WWTR1: variants seen among roughly 807,000 people sequenced by gnomAD.
WWTR1 encodes the protein WW domain containing transcription regulator 1, also known as WW domain-containing transcription regulator protein 1.
WWTR1 carries 13 observed loss-of-function variants against 40.1 expected under a neutral mutation model. The ratio of observed to expected loss-of-function variants is 0.32; its 90% CI spans 0.21 to 0.52. The LOEUF is 0.52. WWTR1 is among the 20% of genes least tolerant of loss of function. The pLI, the probability that WWTR1 is intolerant of heterozygous loss-of-function variation, is 0.97. For missense variants in WWTR1, 436 were observed against 523.1 expected (o/e 0.83, Z 1.63); for synonymous variants, 230 against 210.1 (o/e 1.09, Z -0.82).
intron 2 of WWTR1, among the ~76,000 whole-genome samples, chr3:149,606,305 G>A (rs1292541397): frequency 1.3e-5 from 2 of 152,136 alleles, no homozygotes; most frequent in Non-Finnish European, 2.9e-5. Context: ...CGCTTTAAGC[G>A]TTTCAGGTCA....
At chr3:149,667,508 A>G (rs1008754747) in intron 2 of WWTR1, among the ~76,000 whole-genome samples, 2 of 151,362 alleles carry the variant, frequency 1.3e-5, no homozygotes, top group Middle Eastern at 3.2e-3. Context: ...AGATCGTGCC[A>G]CTGCATTCCA....
chr3:149,648,058 G>C (rs1302394258), intron 2 of WWTR1, among the ~76,000 whole-genome samples: 1 of 152,124 alleles, frequency 6.6e-6, no homozygotes, highest in Non-Finnish European at 1.5e-5. Context: ...TGGAAGGCTT[G>C]TCTGCACACC....
chr3:149,645,042 G>T (rs543763434), intron 2 of WWTR1, among the ~76,000 whole-genome samples: 222 of 151,676 alleles, frequency 1.5e-3, no homozygotes, highest in Non-Finnish European at 2.5e-3. Flanking sequence ...TAGTAGATAC[G>T]GGGTTTCACC....
chr3:149,565,052 G>T (rs1379668905), intron 3 of WWTR1, among the ~76,000 whole-genome samples: 1 of 152,046 alleles, frequency 6.6e-6, no homozygotes, highest in Non-Finnish European at 1.5e-5. Flanking sequence ...GCTGGGTGTG[G>T]TGGTGGGCAC....
At chr3:149,617,225 T>C (rs1040575924) in intron 2 of WWTR1, among the ~76,000 whole-genome samples, 6 of 152,160 alleles carry the variant, frequency 3.9e-5, no homozygotes, top group Non-Finnish European at 7.3e-5. Context: ...CTGGGGACCA[T>C]GATGAGCAGA....
At chr3:149,622,474 G>A (rs1312864218) in intron 2 of WWTR1, among the ~76,000 whole-genome samples, 15 of 109,026 alleles carry the variant, frequency 1.4e-4, no homozygotes, top group African/African-American at 5.1e-4. Flanking sequence ...AGGAAGGAAG[G>A]AAGGAAGGAA....
At chr3:149,625,830 T>C (rs1478843569) in intron 2 of WWTR1, among the ~76,000 whole-genome samples, 7 of 150,760 alleles carry the variant, frequency 4.6e-5, no homozygotes, top group Non-Finnish European at 8.9e-5. Context: ...ATGCAAACAA[T>C]TATATTCTCA....
chr3:149,654,677 T>G (rs1713091968), intron 2 of WWTR1, among the ~76,000 whole-genome samples: 1 of 152,222 alleles, frequency 6.6e-6, no homozygotes, highest in Admixed American at 6.5e-5. Context: ...AAGGAATTTT[T>G]TTGTTTTGCT....
intron 1 of WWTR1, among the ~76,000 whole-genome samples, chr3:149,672,522 T>A (rs1322346183): frequency 6.6e-6 from 1 of 152,180 alleles, no homozygotes; most frequent in African/African-American, 2.4e-5. Flanking sequence ...AAAAACTTAT[T>A]ATTATTACAA....
rs988862764 is a variant in WWTR1, at chr3:149,568,544, A to C, written c.568+4320T>G. Among the ~76,000 whole-genome samples, 381 of 115,592 alleles carry C rather than the reference A, an allele frequency of 3.3e-3. 1 individual carries two copies. Among genetic ancestry groups the C allele is most frequent in the East Asian group, 0.014 (29 of 2,022 alleles). The allele number at this position is 115,592 out of a possible 152,430, so 75.8% of individuals were successfully genotyped here. The stretch of plus-strand genomic sequence containing the variant: ...AGTGCAAAAAAAAAAAAAAAAAAAA[A>C]AAAAAAAAAAAAAAAACCATATTTT... On this transcript the variant is annotated intron_variant, in intron 3 of 6. Coordinates refer to ENST00000360632, the MANE Select transcript of WWTR1 (RefSeq NM_015472.6).
At chr3:149,580,444 G>A (rs1279913773) in intron 2 of WWTR1, among the ~76,000 whole-genome samples, 1 of 152,058 alleles carries the variant, frequency 6.6e-6, no homozygotes, top group Non-Finnish European at 1.5e-5. Flanking sequence ...ATTGCAGTGG[G>A]AGCCCATTGC....
At chr3:149,646,675 T>G (rs953944594) in intron 2 of WWTR1, among the ~76,000 whole-genome samples, 1 of 152,190 alleles carries the variant, frequency 6.6e-6, no homozygotes, top group Non-Finnish European at 1.5e-5. Context: ...ATAAGCAGAC[T>G]GATTGACAGA....
In WWTR1 at chr3:149,520,930, A is replaced by T; in HGVS notation, c.1078T>A (p.Phe360Ile). The part of the protein sequence containing the change: ...INPQQTRFPD[F>I]LDCLPGTNVD... ...TTTGTTCCTGGAAGACAGTCAAGGA[A>T]ATCAGGGAAACGGGTCTGTTGGGGA... The change falls in exon 7 of 7, where the codon TTC becomes ATC. Residue 360 changes from phenylalanine (F) to isoleucine (I), a missense_variant. By Grantham distance (21) the Phe-to-Ile change is conservative. Transcript: ENST00000360632. 1 of 1,613,518 alleles carries T rather than the reference A, an allele frequency of 6.2e-7. No homozygotes were observed. The highest frequency in any genetic ancestry group is 1.3e-5 in the African/African-American group (1 of 75,042).
upstream of WWTR1, among the ~76,000 whole-genome samples, chr3:149,658,930 C>G (rs1447392750): frequency 1.3e-5 from 2 of 152,142 alleles, no homozygotes; most frequent in African/African-American, 4.8e-5. Context: ...GAGCAGGTGG[C>G]TGGAAGTAGA....
chr3:149,660,846 A>G (rs576257682), upstream of WWTR1, among the ~76,000 whole-genome samples: 1 of 152,362 alleles, frequency 6.6e-6, no homozygotes, highest in South Asian at 2.1e-4. Flanking sequence ...ACATTATGCA[A>G]GTAGCTTAGC....
At chr3:149,683,929 C>A (rs1332612725) in intron 1 of WWTR1, among the ~76,000 whole-genome samples, 1 of 152,070 alleles carries the variant, frequency 6.6e-6, no homozygotes, top group Non-Finnish European at 1.5e-5. Flanking sequence ...CTCCTCAAGG[C>A]TCTTCATTAG....
intron 2 of WWTR1, among the ~76,000 whole-genome samples, chr3:149,651,829 CTTT>C (rs764013293): frequency 1.7e-5 from 2 of 117,988 alleles, no homozygotes; most frequent in Non-Finnish European, 1.7e-5. Context: ...TATGGATTTT[CTTT>C]TTTTTTTTTT....
At chr3:149,530,895 A>C (rs1311616459) in intron 4 of WWTR1, among the ~76,000 whole-genome samples, 3 of 152,024 alleles carry the variant, frequency 2.0e-5, no homozygotes, top group Non-Finnish European at 4.4e-5. Context: ...CTAACAAATA[A>C]GAGAAAAATC....
chr3:149,616,817 A>G (rs372582461), intron 2 of WWTR1, among the ~76,000 whole-genome samples: 3 of 152,150 alleles, frequency 2.0e-5, no homozygotes, highest in African/African-American at 7.2e-5. Flanking sequence ...TTCTTTCTAA[A>G]ACTGAACCTA....
Sources: allele counts gnomAD v4.1 joint callset (sites outside exome capture counted in the v4.1 genomes callset), GRCh38; gene constraint gnomAD v4.1.1; transcripts MANE v1.5; gene names NCBI Gene and HGNC (gene_info 2026-07-23, HGNC 2026-07-21).